Variants in WNT5B observed in about 807,000 individuals in gnomAD.
WNT5B encodes Wnt family member 5B.
WNT5B carries 18 observed loss-of-function variants against 36.5 expected under a neutral mutation model. That is an observed-to-expected ratio of 0.49 (90% CI 0.34 to 0.73). WNT5B has a LOEUF of 0.73. Ranked by LOEUF, WNT5B falls within the 30% of genes least tolerant of loss-of-function variation. The probability of loss-of-function intolerance (pLI) is 0.01; values close to 1 mark genes in which losing one functional copy is unlikely to be tolerated. For synonymous variants in WNT5B, 213 were observed against 212.3 expected, an observed-to-expected ratio of 1.00 and a Z score of -0.03; for missense variants, 424 against 508.4, an observed-to-expected ratio of 0.83 and a Z score of 1.60.
Position 1,645,860 on chromosome 12 carries a change from A to G in WNT5B, c.688A>G (p.Thr230Ala), listed in dbSNP as rs952028430. Residue 230 changes from threonine to alanine, a missense_variant, in exon 5 of 5, where the codon ACC becomes GCC. By Grantham distance (58) the Thr-to-Ala change is moderately conservative. Transcript: ENST00000397196. ...CGTCTCGGGGTCCTGCAGCCTCAAG[A>G]CCTGCTGGCTGCAGCTGGCCGAGTT... ...HGVSGSCSLK[T>A]CWLQLAEFRK... 2.5e-6 allele frequency: 4 copies of G among 1,611,186 alleles called. No individual in the cohort carries two copies. The highest frequency in any genetic ancestry group is 1.1e-5 in the South Asian group (1 of 90,932).
intron 1 of WNT5B, among the ~76,000 whole-genome samples, chr12:1,621,931 C>G (rs2094534295): frequency 6.6e-6 from 1 of 152,100 alleles, no homozygotes; most frequent in Non-Finnish European, 1.5e-5. Flanking sequence ...TCCTTCATTG[C>G]ACTATCTCTC....
rs1400698029 is a variant in WNT5B at position 1,617,857 on chromosome 12, G to T, written c.-58+714G>T. On this transcript the variant is annotated intron_variant, in intron 1 of 4. Coordinates refer to the WNT5B transcript ENST00000310594. ...ACATTGTGTTAGTCAAAGACACTTGGGCTGGGCGCAGTGGCTCATGCTTGT... is the reference window on the plus strand; with the variant it reads ...ACATTGTGTTAGTCAAAGACACTTGTGCTGGGCGCAGTGGCTCATGCTTGT... 2.6e-5 allele frequency among the ~76,000 whole-genome samples: 4 copies of T among 152,074 alleles called. No individual in the cohort carries two copies. The East Asian group carries it at 5.8e-4, about 22-fold the overall frequency.
chr12:1,619,610 A>G (rs965728450), intron 1 of WNT5B, among the ~76,000 whole-genome samples: 1 of 152,328 alleles, frequency 6.6e-6, no homozygotes, highest in Non-Finnish European at 1.5e-5. Flanking sequence ...AATTCATGCA[A>G]GAGAAACAGA....
rs1306019813 is a variant in WNT5B at position 1,618,731 on chromosome 12, T to C, written c.-58+1588T>C. ...GGGGAGAAAATTGTGCTTTTCCAAG[T>C]AAGATGAGTCATCTGAGATCTGCCA... On this transcript the variant is annotated intron_variant, in intron 1 of 4. Coordinates refer to the WNT5B transcript ENST00000310594. The surrounding 1 kb of genome is among the most constrained non-coding windows in gnomAD (Gnocchi z 4.1). Among the ~76,000 whole-genome samples, 1 of 152,192 alleles carries C rather than the reference T, an allele frequency of 6.6e-6. No homozygotes were observed. The highest frequency in any genetic ancestry group is 1.5e-5 in the Non-Finnish European group (1 of 68,038).
At chr12:1,617,241 C>T (rs539104119) in intron 1 of WNT5B, 78 of 151,860 alleles carry the variant, frequency 5.1e-4, no homozygotes, top group African/African-American at 1.8e-3. Context: ...AAAATACCAC[C>T]TGTAAAAATC....
At chr12:1,641,677 G>A (rs1470358777) in intron 4 of WNT5B, among the ~76,000 whole-genome samples, 3 of 150,244 alleles carry the variant, frequency 2.0e-5, no homozygotes, top group East Asian at 2.0e-4. Context: ...GGTGGCACAC[G>A]CTTGTAATCC....
chr12:1,628,065 T>C (rs902578337), upstream of WNT5B, among the ~76,000 whole-genome samples: 1 of 152,144 alleles, frequency 6.6e-6, no homozygotes, highest in Non-Finnish European at 1.5e-5. Context: ...CAGCTCATTC[T>C]GGCTTCTGGA....
intron 1 of WNT5B, among the ~76,000 whole-genome samples, chr12:1,623,184 G>GTGGTTTT (rs2094536251): frequency 1.9e-5 from 1 of 53,492 alleles, no homozygotes; most frequent in Non-Finnish European, 4.2e-5. Flanking sequence ...AGGGTTTTTT[G>GTGGTTTT]TTGTTTTTTT....
In WNT5B at chr12:1,632,757, G is replaced by T; in HGVS notation, c.180G>T (p.Lys60Asn). 1 of 1,614,190 alleles carries T rather than the reference G, an allele frequency of 6.2e-7. No homozygotes were observed. The highest frequency in any genetic ancestry group is 8.5e-7 in the Non-Finnish European group (1 of 1,180,008). Residue 60 changes from lysine to asparagine, a missense_variant, in exon 3 of 5, where the codon AAG becomes AAT. Physicochemically the swap from Lys to Asn is moderately conservative, Grantham distance 94 (BLOSUM62 0). Transcript: ENST00000397196. The surrounding 1 kb of genome is among the most constrained non-coding windows in gnomAD (Gnocchi z 5.8). ...QLPGLSPGQR[K>N]LCQLYQEHMA... ...CCGGGCTCTCCCCTGGCCAGAGGAAGCTGTGCCAATTGTACCAGGAGCACA... is the reference window on the plus strand; with the variant it reads ...CCGGGCTCTCCCCTGGCCAGAGGAATCTGTGCCAATTGTACCAGGAGCACA...
In WNT5B at chr12:1,644,025, A is replaced by G. The variant is rs1342816655; in HGVS notation, c.622-1769A>G. Among the ~76,000 whole-genome samples the G allele has an allele frequency of 6.6e-6, 1 of 151,970 alleles. No individual in the cohort carries two copies. Among genetic ancestry groups the G allele is most frequent in the African/African-American group, 2.4e-5 (1 of 41,368 alleles). On this transcript the variant is annotated intron_variant, in intron 4 of 4. Transcript: ENST00000397196. This position sits in a 1 kb window ranked among gnomAD's most constrained non-coding sequence, Gnocchi z 5.1. The stretch of plus-strand genomic sequence containing the variant: ...CTCTGTCTGAGTGTTTGCCCCTGCA[A>G]GAGATGCTTATCCGTGCTCCGAGTT...
Position 1,632,556 on chromosome 12 carries a change from G to A in WNT5B, c.81-102G>A. ...TTTTCTTTCCAGGGCCTTGTACACA[G>A]GGACGCATTCAATAAATGTGTTGAA... On this transcript the variant is annotated intron_variant, in intron 2 of 4. Transcript: ENST00000397196. This position sits in a 1 kb window ranked among gnomAD's most constrained non-coding sequence, Gnocchi z 5.8. 1 of 1,479,870 alleles carries A rather than the reference G, an allele frequency of 6.8e-7. No homozygotes were observed. Among genetic ancestry groups the A allele is most frequent in the Non-Finnish European group, 9.1e-7 (1 of 1,101,254 alleles). The allele number at this position is 1,479,870 out of a possible 1,614,324, so 91.7% of individuals were successfully genotyped here.
intron 4 of WNT5B, among the ~76,000 whole-genome samples, chr12:1,641,574 G>A (rs2094575441): frequency 6.6e-6 from 1 of 151,376 alleles, no homozygotes; most frequent in African/African-American, 2.4e-5. Flanking sequence ...AGGCTGAGGC[G>A]GGTGGATCAC....
intron 1 of WNT5B, among the ~76,000 whole-genome samples, chr12:1,623,296 C>T (rs890537942): frequency 2.6e-5 from 3 of 116,350 alleles, no homozygotes; most frequent in African/African-American, 1.1e-4. Context: ...CCCAGGTTCA[C>T]ACCATTCTCC....
rs920034569 is a variant in WNT5B at position 1,633,995 on chromosome 12, C to T, written c.328+1090C>T. Among the ~76,000 whole-genome samples the T allele has an allele frequency of 6.6e-5, 10 of 152,222 alleles. No individual in the cohort carries two copies. The highest frequency in any genetic ancestry group is 2.4e-5 in the African/African-American group (1 of 41,522). ...CTGAGGCAGGAGGATTCCTTGAGGC[C>T]AGGAGTTCAAGACCAGCCTGGGTAA... On this transcript the variant is annotated intron_variant, in intron 3 of 4. Transcript: ENST00000397196. This position sits in a 1 kb window ranked among gnomAD's most constrained non-coding sequence, Gnocchi z 4.8.
intron 4 of WNT5B, among the ~76,000 whole-genome samples, chr12:1,641,264 T>C (rs1394085696): frequency 6.6e-6 from 1 of 151,774 alleles, no homozygotes; most frequent in Non-Finnish European, 1.5e-5. Context: ...CAGGCACCTG[T>C]AATCCCAGCT....
In WNT5B at chr12:1,645,936, T is replaced by C; in HGVS notation, c.764T>C (p.Met255Thr). Residue 255 changes from methionine to threonine, a missense_variant, in exon 5 of 5, where the codon ATG becomes ACG. Coordinates refer to ENST00000397196, the MANE Select transcript of WNT5B (RefSeq NM_032642.3). ...GAGAAGTACGACAGCGCGGCCGCCATGCGCGTCACCCGCAAGGGCCGGCTG... is the reference window on the plus strand; with the variant it reads ...GAGAAGTACGACAGCGCGGCCGCCACGCGCGTCACCCGCAAGGGCCGGCTG... ...LKEKYDSAAA[M>T]RVTRKGRLEL... The C allele has an allele frequency of 1.9e-6, 3 of 1,610,246 alleles. No homozygotes were observed. Among genetic ancestry groups the C allele is most frequent in the South Asian group, 1.1e-5 (1 of 91,052 alleles).
intron 1 of WNT5B, among the ~76,000 whole-genome samples, chr12:1,621,641 C>T (rs2154439267): frequency 6.6e-6 from 1 of 152,074 alleles, no homozygotes; most frequent in East Asian, 1.9e-4. Context: ...CCTTGACCTC[C>T]TGTGATCCTC....
intron 1 of WNT5B, among the ~76,000 whole-genome samples, chr12:1,623,486 C>A (rs558314038): frequency 1.3e-5 from 2 of 152,076 alleles, no homozygotes; most frequent in Non-Finnish European, 2.9e-5. Flanking sequence ...TGAGCCACCG[C>A]GCCCGGCCTC....
intron 3 of WNT5B, among the ~76,000 whole-genome samples, chr12:1,635,122 G>A (rs911134420): frequency 1.3e-5 from 2 of 152,192 alleles, no homozygotes; most frequent in South Asian, 4.1e-4. Context: ...AGGCTGCCCC[G>A]TGAAGGCAGA....
Sources: gnomAD v4.1 joint callset for allele counts (sites outside exome capture counted in the v4.1 genomes callset) on GRCh38, gnomAD v4.1.1 for gene constraint, Gnocchi (gnomAD v3.1) non-coding constraint, MANE v1.5 for transcripts, NCBI Gene and HGNC (gene_info 2026-07-23, HGNC 2026-07-21) for gene names.